NEK11: variants seen among roughly 807,000 people sequenced by gnomAD.
The protein encoded by NEK11 is NIMA related kinase 11, also known as serine/threonine-protein kinase Nek11.
Under a neutral mutation model 80.7 loss-of-function variants are expected in NEK11, and 72 were observed. That is an observed-to-expected ratio of 0.89 (90% CI 0.74 to 1.08). The LOEUF (loss-of-function observed/expected upper bound fraction) is 1.08, where lower values mean the gene tolerates loss of function less well. NEK11 is among the 50% of genes least tolerant of loss of function. The probability of loss-of-function intolerance (pLI) is 0.00; values close to 1 mark genes in which losing one functional copy is unlikely to be tolerated. For synonymous variants in NEK11, 251 were observed against 260.7 expected (o/e 0.96, Z 0.36); for missense variants, 764 against 763.6 (o/e 1.00, Z -0.01).
intron 16 of NEK11, among the ~76,000 whole-genome samples, chr3:131,265,117 G>A (rs1344656791): frequency 6.6e-6 from 1 of 152,194 alleles, no homozygotes; most frequent in African/African-American, 2.4e-5. Context: ...TTTTTGGGCT[G>A]AGACGAGGGG....
chr3:131,322,932 T>C (rs988931232), intron 17 of NEK11, among the ~76,000 whole-genome samples: 11 of 152,212 alleles, frequency 7.2e-5, no homozygotes, highest in African/African-American at 2.2e-4. Context: ...CCTTAGACTT[T>C]CCAGTTAGAG....
At chr3:131,300,545 T>C (rs2096649923) in intron 17 of NEK11, among the ~76,000 whole-genome samples, 1 of 152,182 alleles carries the variant, frequency 6.6e-6, no homozygotes, top group Non-Finnish European at 1.5e-5. Flanking sequence ...CCATCTTGAG[T>C]TGATTTTTGT....
chr3:131,272,463 CTTTTTTTTTTTTTTTT>C (rs869304359), intron 16 of NEK11, among the ~76,000 whole-genome samples: 13 of 43,884 alleles, frequency 3.0e-4, no homozygotes, highest in African/African-American at 1.2e-3. Context: ...GTTTTAGCTT[CTTTTTTTTTTTTTTTT>C]TTTTTTTTTT....
intron 14 of NEK11, among the ~76,000 whole-genome samples, chr3:131,221,976 A>C (rs2095040218): frequency 2.0e-5 from 3 of 152,150 alleles, no homozygotes; most frequent in African/African-American, 7.2e-5. Flanking sequence ...CATCTGAGAT[A>C]GATGGTAGTG....
At chr3:131,142,717 G>A (rs567588354) in intron 7 of NEK11, among the ~76,000 whole-genome samples, 1 of 152,186 alleles carries the variant, frequency 6.6e-6, no homozygotes, top group African/African-American at 2.4e-5. Flanking sequence ...AAGATGCAAA[G>A]AAGCTTTGAC....
chr3:131,339,569 T>C (rs1297293678), intron 17 of NEK11, among the ~76,000 whole-genome samples: 1 of 152,202 alleles, frequency 6.6e-6, no homozygotes, highest in Non-Finnish European at 1.5e-5. Flanking sequence ...TGTGTGAATG[T>C]ACCCTTCACT....
At chr3:131,076,919 C>T (rs897451347) in intron 3 of NEK11, among the ~76,000 whole-genome samples, 7 of 152,124 alleles carry the variant, frequency 4.6e-5, no homozygotes, top group African/African-American at 1.7e-4. Context: ...GCAGTGTATG[C>T]TGCTGGTTGA....
At chr3:131,061,722 A>G (rs1056652198) in intron 3 of NEK11, among the ~76,000 whole-genome samples, 1 of 152,190 alleles carries the variant, frequency 6.6e-6, no homozygotes, top group East Asian at 1.9e-4. Context: ...TAGCATATTG[A>G]CCGGAGCCCA....
At chr3:131,100,845 A>T (rs2078262002) in intron 4 of NEK11, among the ~76,000 whole-genome samples, 1 of 152,164 alleles carries the variant, frequency 6.6e-6, no homozygotes, top group South Asian at 2.1e-4. Flanking sequence ...AACTGGTAGA[A>T]TTCAGCTGTG....
chr3:131,113,910 CAAAA>C (rs35868059), intron 5 of NEK11, among the ~76,000 whole-genome samples: 8 of 101,614 alleles, frequency 7.9e-5, no homozygotes, highest in Admixed American at 2.2e-4. Context: ...GACTCCCTCT[CAAAA>C]AAAAAAAAAA....
chr3:131,167,557 CT>C (rs1409268954), intron 12 of NEK11, among the ~76,000 whole-genome samples: 2 of 152,152 alleles, frequency 1.3e-5, no homozygotes, highest in Non-Finnish European at 2.9e-5. Flanking sequence ...TAACTATACT[CT>C]ATGAGGTCTT....
intron 16 of NEK11, among the ~76,000 whole-genome samples, chr3:131,267,370 G>C (rs1383099316): frequency 6.6e-6 from 1 of 152,212 alleles, no homozygotes; most frequent in African/African-American, 2.4e-5. Context: ...AGGAGCTCTT[G>C]TAAGGCAGGC....
At chr3:131,305,054 C>G (rs370021944) in intron 17 of NEK11, among the ~76,000 whole-genome samples, 3 of 151,316 alleles carry the variant, frequency 2.0e-5, no homozygotes, top group Admixed American at 6.6e-5. Flanking sequence ...TTTCCAACAT[C>G]TGTGCATGCA....
At chr3:131,331,901 G>C (rs1490969688) in intron 17 of NEK11, among the ~76,000 whole-genome samples, 3 of 152,330 alleles carry the variant, frequency 2.0e-5, no homozygotes, top group East Asian at 3.9e-4. Context: ...AGGCGGCAGC[G>C]AGGCTGGGGG....
intron 7 of NEK11, among the ~76,000 whole-genome samples, chr3:131,143,149 A>G (rs1012989257): frequency 2.6e-5 from 4 of 152,194 alleles, no homozygotes; most frequent in Admixed American, 2.6e-4. Flanking sequence ...GAACATTTCT[A>G]TGAGTTCAAT....
At chr3:131,124,593 A>G (rs1226887600) in intron 5 of NEK11, among the ~76,000 whole-genome samples, 1 of 152,120 alleles carries the variant, frequency 6.6e-6, no homozygotes, top group African/African-American at 2.4e-5. Context: ...GAGGAGGAGA[A>G]TGGTTATTGG....
chr3:131,337,372 A>G (rs576952699), intron 17 of NEK11, among the ~76,000 whole-genome samples: 263 of 151,680 alleles, frequency 1.7e-3, no homozygotes, highest in Non-Finnish European at 3.3e-3. Flanking sequence ...ACGACAAAAC[A>G]CCAAACACCG....
chr3:131,261,947 G>A (rs530832283), intron 16 of NEK11, among the ~76,000 whole-genome samples: 1 of 152,006 alleles, frequency 6.6e-6, no homozygotes, highest in African/African-American at 2.4e-5. Context: ...ACAAAAATCA[G>A]AGTGGAAATA....
At chr3:131,192,879 AGT>A (rs752837509) in intron 14 of NEK11, among the ~76,000 whole-genome samples, 42 of 152,172 alleles carry the variant, frequency 2.8e-4, no homozygotes, top group Non-Finnish European at 4.9e-4. Context: ...GTTGCACAAC[AGT>A]GTGATGGTGT....
Sources: allele counts gnomAD v4.1 joint callset (sites outside exome capture counted in the v4.1 genomes callset), GRCh38; gene constraint gnomAD v4.1.1; transcripts MANE v1.5; gene names NCBI Gene and HGNC (gene_info 2026-07-23, HGNC 2026-07-21).